The following MAPK14 variants were observed in gnomAD, a reference collection of about 807,000 sequenced individuals.
MAPK14 encodes the protein mitogen-activated protein kinase 14, also known as CSAID-binding protein.
Under a neutral mutation model 49.6 loss-of-function variants are expected in MAPK14, and 16 were observed. The observed-to-expected ratio is 0.32, with a 90% CI of 0.22 to 0.49. The LOEUF (loss-of-function observed/expected upper bound fraction) is 0.49, where lower values mean the gene tolerates loss of function less well. Among genes scored for constraint, MAPK14 ranks in the 20% least tolerant of loss-of-function variants. The pLI, the probability that MAPK14 is intolerant of heterozygous loss-of-function variation, is 0.99. For missense variants in MAPK14, 200 were observed against 441.2 expected (o/e 0.45, Z 4.90); for synonymous variants, 142 against 158.0 (o/e 0.90, Z 0.76).
chr6:36,071,942 T>C lies in MAPK14; in HGVS notation c.306-931T>C, dbSNP rs1764295209. ...CTGATCTCACACTCCTGCCTCAGCC[T>C]CCCAAAGTGCTAAGATTATAGGTGT... On this transcript the variant is annotated intron_variant, in intron 3 of 11. Transcript: ENST00000229794. 2.0e-5 allele frequency among the ~76,000 whole-genome samples: 3 copies of C among 152,314 alleles called. No individual in the cohort carries two copies. The South Asian group carries it at 6.2e-4, about 32-fold the overall frequency.
chr6:36,099,504 TGTG>T, intron 9 of MAPK14, among the ~76,000 whole-genome samples: 1 of 152,212 alleles, frequency 6.6e-6, no homozygotes, highest in Non-Finnish European at 1.5e-5. Context: ...TGAAGAGACT[TGTG>T]GAGGAAATCA....
chr6:36,062,864 G>T (rs1763880780), intron 3 of MAPK14, among the ~76,000 whole-genome samples: 1 of 151,814 alleles, frequency 6.6e-6, no homozygotes, highest in African/African-American at 2.4e-5. Context: ...CACTGTTTTG[G>T]CCAGACTGGT....
chr6:36,040,067 A>C (rs1762906349), intron 1 of MAPK14, among the ~76,000 whole-genome samples: 1 of 151,994 alleles, frequency 6.6e-6, no homozygotes, highest in Non-Finnish European at 1.5e-5. Context: ...TGGCTTTGGA[A>C]GTCCTCTGTA....
chr6:36,066,435 TG>T (rs1764060832), intron 3 of MAPK14, among the ~76,000 whole-genome samples: 1 of 149,326 alleles, frequency 6.7e-6, no homozygotes, highest in Non-Finnish European at 1.5e-5. Flanking sequence ...TATTAAGAAA[TG>T]CTTACCTAAA....
At chr6:36,042,359 CT>C in intron 1 of MAPK14, among the ~76,000 whole-genome samples, 1 of 151,726 alleles carries the variant, frequency 6.6e-6, no homozygotes, top group South Asian at 2.1e-4. Flanking sequence ...AAATGTATTG[CT>C]TTGTCAAAGT....
intron 8 of MAPK14, among the ~76,000 whole-genome samples, chr6:36,080,064 C>T (rs1206946493): frequency 1.3e-5 from 2 of 152,082 alleles, no homozygotes; most frequent in Non-Finnish European, 2.9e-5. Flanking sequence ...CTGCCTCAGC[C>T]TCCCAAGTAG....
rs200081934 is a variant in MAPK14, at chr6:36,096,019, G to T, written c.715G>T (p.Val239Phe). 3 of 1,613,122 alleles carry T rather than the reference G, an allele frequency of 1.9e-6. No individual in the cohort carries two copies. Among genetic ancestry groups the T allele is most frequent in the Non-Finnish European group, 1.7e-6 (2 of 1,179,348 alleles). ...TCAGTTGAAGCTCATTTTAAGACTC[G>T]TTGGAACCCCAGGGGCTGAGCTTTT... ...IDQLKLILRL[V>F]GTPGAELLKK... Residue 239 changes from valine (V) to phenylalanine (F), a missense_variant, in exon 9 of 12, where the codon GTT (valine) becomes TTT (phenylalanine). Physicochemically the swap from Val to Phe is conservative, Grantham distance 50. Transcript: ENST00000229794.
intron 10 of MAPK14, among the ~76,000 whole-genome samples, chr6:36,104,772 C>T (rs1765751216): frequency 1.3e-5 from 2 of 152,298 alleles, no homozygotes; most frequent in South Asian, 4.1e-4. Flanking sequence ...TACTCACTGA[C>T]ACCCTCTTAA....
chr6:36,089,244 C>T (rs770002645), intron 8 of MAPK14, among the ~76,000 whole-genome samples: 5 of 152,132 alleles, frequency 3.3e-5, no homozygotes, highest in Admixed American at 1.3e-4. Flanking sequence ...TGAGATTGTG[C>T]CCTTTGCGGG....
intron 8 of MAPK14, among the ~76,000 whole-genome samples, chr6:36,079,337 T>A (rs1304787549): frequency 1.3e-5 from 2 of 152,208 alleles, no homozygotes; most frequent in Non-Finnish European, 2.9e-5. Context: ...TCATACCCTC[T>A]TCCTTCAGCC....
At chr6:36,118,464 C>A in the MAPK14 span, among the ~76,000 whole-genome samples, 2 of 152,196 alleles carry the variant, frequency 1.3e-5, no homozygotes, top group African/African-American at 4.8e-5. Flanking sequence ...GCACCTGTTG[C>A]TGGAGGCCAT....
intron 8 of MAPK14, among the ~76,000 whole-genome samples, chr6:36,082,169 CAG>C (rs1292028746): frequency 1.3e-5 from 2 of 152,210 alleles, no homozygotes; most frequent in Non-Finnish European, 2.9e-5. Flanking sequence ...CATCTGCAAA[CAG>C]AGATAGTTTT....
At chr6:36,080,774 CTT>C (rs775373157) in intron 8 of MAPK14, among the ~76,000 whole-genome samples, 5 of 151,722 alleles carry the variant, frequency 3.3e-5, no homozygotes, top group African/African-American at 4.8e-5. Flanking sequence ...CCACCAAACT[CTT>C]TTCCATAGTG....
At chr6:36,120,837 G>A in the MAPK14 span, among the ~76,000 whole-genome samples, 1 of 152,172 alleles carries the variant, frequency 6.6e-6, no homozygotes, top group Non-Finnish European at 1.5e-5. Context: ...TGTCTTGAGA[G>A]GTGCCTGGCA....
intron 9 of MAPK14, chr6:36,097,159 T>C (rs1456310455): frequency 1.3e-5 from 2 of 152,212 alleles, no homozygotes; most frequent in African/African-American, 4.8e-5. Flanking sequence ...CTTGAAAGGA[T>C]CCCAAAGCCC....
intron 8 of MAPK14, among the ~76,000 whole-genome samples, chr6:36,088,851 A>G (rs189522874): frequency 7.4e-4 from 113 of 152,334 alleles, no homozygotes; most frequent in African/African-American, 2.5e-3. Flanking sequence ...TGAAAACCAC[A>G]ATGAGATACT....
intron 9 of MAPK14, chr6:36,100,200 T>G (rs770212780): frequency 1.2e-6 from 2 of 1,612,538 alleles, no homozygotes; most frequent in South Asian, 2.2e-5. Context: ...ATTAACCAGC[T>G]TCAGCAGATT....
intron 8 of MAPK14, chr6:36,092,752 G>A (rs1044568900): frequency 1.1e-5 from 3 of 264,686 alleles, no homozygotes; most frequent in Non-Finnish European, 2.2e-5. Context: ...AGCAGTGTCA[G>A]CATACGCCGG....
intron 9 of MAPK14, among the ~76,000 whole-genome samples, chr6:36,098,206 T>G (rs540187059): frequency 6.6e-6 from 1 of 152,292 alleles, no homozygotes; most frequent in African/African-American, 2.4e-5. Flanking sequence ...GCAATAATTA[T>G]GAAGAAATTG....
Sources: gnomAD v4.1 joint callset for allele counts (sites outside exome capture counted in the v4.1 genomes callset) on GRCh38, gnomAD v4.1.1 for gene constraint, MANE v1.5 for transcripts, NCBI Gene and HGNC (gene_info 2026-07-23, HGNC 2026-07-21) for gene names.